Variants in TLR6 observed in about 807,000 individuals in gnomAD.
The protein encoded by TLR6 is toll-like receptor 6.
TLR6 carries 9 observed loss-of-function variants against 16.1 expected under a neutral mutation model. That is an observed-to-expected ratio of 0.56 (90% CI 0.34 to 0.98). The LOEUF (loss-of-function observed/expected upper bound fraction) is 0.98. TLR6 is among the 50% of genes least tolerant of loss of function. The pLI is 0.02. For missense variants in TLR6, 786 were observed against 921.0 expected, an observed-to-expected ratio of 0.85 and a Z score of 1.90; for synonymous variants, 340 against 338.6, an observed-to-expected ratio of 1.00 and a Z score of -0.04.
chr4:38,829,805 T>A (rs527747088), intron 1 of TLR6, among the ~76,000 whole-genome samples: 1 of 152,382 alleles, frequency 6.6e-6, no homozygotes, highest in African/African-American at 2.4e-5. Context: ...GGCTTGCCTT[T>A]GTTTTGTACA....
chr4:38,832,303 C>T (rs1347126437), intron 1 of TLR6, among the ~76,000 whole-genome samples: 2 of 152,140 alleles, frequency 1.3e-5, no homozygotes, highest in African/African-American at 2.4e-5. Flanking sequence ...TGGAATTCAG[C>T]GGAGAAGTGA....
rs574704051 is a variant in TLR6 at position 38,854,942 on chromosome 4, GCTCACGC to G, written c.-65+1812_-65+1818del. Among the ~76,000 whole-genome samples, 952 of 152,306 alleles carry G rather than the reference GCTCACGC, an allele frequency of 6.3e-3. 13 individuals carry two copies. Among genetic ancestry groups the G allele is most frequent in the African/African-American group, 0.021 (882 of 41,560 alleles). ...TAGAAAATTATGGCCGGGCGCAGTG[GCTCACGC>G]CTCTCATCCCAGCACTTTGGGAGGC... On this transcript the variant is annotated intron_variant, in intron 1 of 1. Transcript: ENST00000436693.
Position 38,843,130 on chromosome 4 carries a change from C to T in TLR6, c.-64-13593G>A, listed in dbSNP as rs138857853. The stretch of plus-strand genomic sequence containing the variant: ...CATTACAACACATTATAGACATTGA[C>T]GTTCATGACAATGATGCTGAGCAAA... On this transcript the variant is annotated intron_variant, in intron 1 of 1. Transcript: ENST00000436693. 1.6e-3 allele frequency among the ~76,000 whole-genome samples: 241 copies of T among 152,304 alleles called. 1 individual carries two copies. The highest frequency in any genetic ancestry group is 5.2e-3 in the African/African-American group (216 of 41,586).
At chr4:38,858,773 GA>G (rs1274075664), upstream of TLR6, among the ~76,000 whole-genome samples, 10,039 of 76,656 alleles carry the variant, frequency 0.13, 1,869 homozygotes, top group Middle Eastern at 0.46. Flanking sequence ...GAGAGAGAGA[GA>G]GGGAGAGAGA....
intron 1 of TLR6, among the ~76,000 whole-genome samples, chr4:38,843,229 A>G (rs1276351307): frequency 1.3e-5 from 2 of 152,220 alleles, no homozygotes; most frequent in Admixed American, 6.5e-5. Flanking sequence ...TGACTGAGAC[A>G]AAGGACTGGA....
chr4:38,823,900 C>G (rs1727420367), exon 2 of TLR6: 1 of 152,398 alleles, frequency 6.6e-6, no homozygotes, highest in Admixed American at 6.5e-5. Context: ...CAGCCATTCC[C>G]TTTTCTCAGT....
rs5743803 is a variant in TLR6 at position 38,830,526 on chromosome 4, G to A, written c.-64-989C>T. On this transcript the variant is annotated intron_variant, in intron 1 of 1. Transcript: ENST00000436693. ...GTCCAGGAGTTCAAAGCCAGCCTGC[G>A]CAACATAGTGAAACTCCATCTCTAC... Among the ~76,000 whole-genome samples, 384 of 152,208 alleles carry A rather than the reference G, an allele frequency of 2.5e-3. 1 individual carries two copies. Among genetic ancestry groups the A allele is most frequent in the African/African-American group, 7.3e-3 (302 of 41,520 alleles).
At chr4:38,861,397 C>T (rs1713191053), upstream of TLR6, among the ~76,000 whole-genome samples, 1 of 152,180 alleles carries the variant, frequency 6.6e-6, no homozygotes, top group African/African-American at 2.4e-5. Context: ...GCACCCCCTC[C>T]ATAATCTCAG....
chr4:38,837,215 T>C (rs1328288736), intron 1 of TLR6, among the ~76,000 whole-genome samples: 1 of 152,090 alleles, frequency 6.6e-6, no homozygotes, highest in Non-Finnish European at 1.5e-5. Flanking sequence ...TGATATTATT[T>C]ACAGAAATAT....
At chr4:38,850,751 C>A (rs571072522) in intron 1 of TLR6, among the ~76,000 whole-genome samples, 1 of 152,110 alleles carries the variant, frequency 6.6e-6, no homozygotes, top group African/African-American at 2.4e-5. Flanking sequence ...GCCTACCAAC[C>A]AAAAAAAGTC....
At chr4:38,858,897 AAGAAAG>A (rs1263127575), upstream of TLR6, among the ~76,000 whole-genome samples, 2 of 149,060 alleles carry the variant, frequency 1.3e-5, no homozygotes, top group African/African-American at 2.5e-5. Flanking sequence ...GAGAGAAAGA[AAGAAAG>A]AAAAGAAAGA....
chr4:38,860,791 G>A (rs1414357939), upstream of TLR6, among the ~76,000 whole-genome samples: 1 of 152,072 alleles, frequency 6.6e-6, no homozygotes, highest in South Asian at 2.1e-4. Flanking sequence ...ACACAACCAG[G>A]AGACACTATT....
At chr4:38,858,524 G>A (rs1263811590), upstream of TLR6, among the ~76,000 whole-genome samples, 2 of 151,848 alleles carry the variant, frequency 1.3e-5, no homozygotes, top group African/African-American at 2.4e-5. Context: ...GTTCGAGACC[G>A]GCTTGGCTAA....
exon 2 of TLR6, chr4:38,828,729 A>G (rs5743810): frequency 0.63 from 1,009,123 of 1,613,632 alleles, 334,649 homozygotes; most frequent in East Asian, 1. Flanking sequence ...AGTAAGGTTG[A>G]ACCTCTGGTG....
chr4:38,825,593 T>A (rs1727506410), exon 2 of TLR6: 1 of 152,196 alleles, frequency 6.6e-6, no homozygotes, highest in South Asian at 2.1e-4. Context: ...GGGCCTTGAG[T>A]GTACCCCACA....
At chr4:38,830,938 A>G (rs1711543365) in intron 1 of TLR6, among the ~76,000 whole-genome samples, 1 of 152,094 alleles carries the variant, frequency 6.6e-6, no homozygotes, top group Non-Finnish European at 1.5e-5. Context: ...TATCTTTTTG[A>G]TTGTGTAACT....
intron 1 of TLR6, among the ~76,000 whole-genome samples, chr4:38,835,000 G>A (rs79025411): frequency 0.016 from 2,459 of 152,156 alleles, 39 homozygotes; most frequent in Non-Finnish European, 0.029. Flanking sequence ...AAGAGTTGAA[G>A]TTACTACTAC....
chr4:38,859,771 G>A (rs1466556892), upstream of TLR6, among the ~76,000 whole-genome samples: 6 of 151,736 alleles, frequency 4.0e-5, no homozygotes, highest in South Asian at 8.3e-4. Context: ...TTGCCATGTC[G>A]CTCAGGCTGG....
the TLR6 span, among the ~76,000 whole-genome samples, chr4:38,865,776 A>G: frequency 6.6e-6 from 1 of 152,256 alleles, no homozygotes; most frequent in African/African-American, 2.4e-5. Context: ...CAAAAAGGCT[A>G]TTGATCTCAA....
Sources: gnomAD v4.1 joint callset for allele counts (sites outside exome capture counted in the v4.1 genomes callset) on GRCh38, gnomAD v4.1.1 for gene constraint, MANE v1.5 for transcripts, NCBI Gene and HGNC (gene_info 2026-07-23, HGNC 2026-07-21) for gene names.